The following ARFGEF1 variants were observed in gnomAD, a reference collection of about 807,000 sequenced individuals.
The protein encoded by ARFGEF1 is brefeldin A-inhibited guanine nucleotide-exchange protein 1.
A neutral mutation model predicts 231.0 loss-of-function variants in ARFGEF1; 42 were observed. That is an observed-to-expected ratio of 0.18 (90% CI 0.14 to 0.24). The LOEUF (loss-of-function observed/expected upper bound fraction) is 0.24. Ranked by LOEUF, ARFGEF1 falls within the 10% of genes least tolerant of loss-of-function variation. ARFGEF1 has a pLI of 1.00. For synonymous variants in ARFGEF1, 710 were observed against 732.3 expected (o/e 0.97, Z 0.49); for missense variants, 1,345 against 2,192.0 (o/e 0.61, Z 7.72).
rs758318967 is a variant in ARFGEF1 at position 67,271,858 on chromosome 8, C to T, written c.1416G>A (p.Arg472=). 2.5e-6 allele frequency: 4 copies of T among 1,613,676 alleles called. No individual in the cohort carries two copies. The South Asian group carries it at 4.4e-5, about 18-fold the overall frequency. Residue 472 remains arginine (R), a synonymous_variant, in exon 10 of 39, where the codon AGG becomes AGA. Coordinates refer to ENST00000262215, the MANE Select transcript of ARFGEF1 (RefSeq NM_006421.5). ...TAGCATTAATAAACATCTCATTTGT[C>T]CTGAAAATAGGTCCTGCATTCTGCA... The part of the protein sequence containing the change: ...SILQNAGPIF[R]TNEMFINAIK...
chr8:67,307,559 G>A (rs749408374), intron 1 of ARFGEF1, among the ~76,000 whole-genome samples: 1 of 152,210 alleles, frequency 6.6e-6, no homozygotes, highest in African/African-American at 2.4e-5. Flanking sequence ...GATAATAGAC[G>A]TACTTAGCCA....
intron 1 of ARFGEF1, among the ~76,000 whole-genome samples, chr8:67,323,112 C>T (rs1245853554): frequency 6.6e-6 from 1 of 152,038 alleles, no homozygotes. Context: ...ATTAGCCAGG[C>T]ATGGTGGCAG....
intron 17 of ARFGEF1, among the ~76,000 whole-genome samples, chr8:67,256,190 T>C (rs988032570): frequency 9.9e-5 from 15 of 152,204 alleles, no homozygotes; most frequent in Admixed American, 8.5e-4. Context: ...AGCCGTAGAA[T>C]AGAAGTCATC....
At chr8:67,209,438 G>A (rs746008376) in intron 34 of ARFGEF1, among the ~76,000 whole-genome samples, 3 of 152,186 alleles carry the variant, frequency 2.0e-5, no homozygotes, top group Non-Finnish European at 4.4e-5. Context: ...AGAAGAAGTG[G>A]CTGTATAACA....
chr8:67,195,681 A>T, downstream of ARFGEF1: 1 of 1,073,720 alleles, frequency 9.3e-7, no homozygotes, highest in Non-Finnish European at 1.4e-6. Context: ...TTTGGCCCCT[A>T]CCTGAAAGTT....
intron 5 of ARFGEF1, among the ~76,000 whole-genome samples, chr8:67,183,083 C>T (rs911161712): frequency 1.3e-5 from 2 of 152,204 alleles, no homozygotes; most frequent in Non-Finnish European, 2.9e-5. Flanking sequence ...CATATGCTTG[C>T]TTCTAAGAGT....
At chr8:67,299,099 T>G in intron 4 of ARFGEF1, 110 bp downstream of exon 4, 1 of 1,094,970 alleles carries the variant, frequency 9.1e-7, no homozygotes, top group Admixed American at 3.1e-5. Flanking sequence ...TAACCTGTAT[T>G]ATAGCTGGAA....
rs188298312 is a variant in ARFGEF1 at position 67,294,440 on chromosome 8, T to C, written c.639+1991A>G. Among the ~76,000 whole-genome samples the C allele has an allele frequency of 8.5e-5, 13 of 152,302 alleles. No homozygotes were observed. In the East Asian group the frequency reaches 2.5e-3, roughly 29 times the overall value. On this transcript the variant is annotated intron_variant, in intron 5 of 38. Coordinates refer to ENST00000262215, the MANE Select transcript of ARFGEF1 (RefSeq NM_006421.5). Reference sequence around the variant, plus strand: ...ACTAATCTAAGTAACTAGAAAATAATATTTTGAATGGATAAGGCTAAAGAC... The same window carrying C: ...ACTAATCTAAGTAACTAGAAAATAACATTTTGAATGGATAAGGCTAAAGAC...
chr8:67,339,749 G>C (rs1372075527), intron 1 of ARFGEF1, among the ~76,000 whole-genome samples: 1 of 121,352 alleles, frequency 8.2e-6, no homozygotes, highest in Non-Finnish European at 1.7e-5. Flanking sequence ...AGCTGTTCCT[G>C]GGCCTGTGGG....
intron 1 of ARFGEF1, among the ~76,000 whole-genome samples, chr8:67,307,305 CA>C (rs1806794216): frequency 1.3e-5 from 2 of 152,240 alleles, no homozygotes; most frequent in Non-Finnish European, 2.9e-5. Context: ...AACCAGCCAC[CA>C]ATTAATCACA....
intron 19 of ARFGEF1, among the ~76,000 whole-genome samples, chr8:67,250,334 G>C (rs1840240993): frequency 6.6e-6 from 1 of 152,196 alleles, no homozygotes; most frequent in Non-Finnish European, 1.5e-5. Flanking sequence ...GAGGGTGTCT[G>C]CAGTAGCTTA....
intron 17 of ARFGEF1, among the ~76,000 whole-genome samples, chr8:67,256,198 A>G (rs1425684817): frequency 1.3e-5 from 2 of 152,240 alleles, no homozygotes; most frequent in African/African-American, 4.8e-5. Flanking sequence ...AATAGAAGTC[A>G]TCATGCTCGA....
intron 4 of ARFGEF1, among the ~76,000 whole-genome samples, chr8:67,298,265 A>C (rs1009099466): frequency 4.6e-5 from 7 of 152,202 alleles, no homozygotes; most frequent in African/African-American, 1.7e-4. Flanking sequence ...AGCACATGAA[A>C]ATTTTACTGC....
intron 33 of ARFGEF1, among the ~76,000 whole-genome samples, chr8:67,213,896 T>G (rs1838835168): frequency 6.6e-6 from 1 of 152,208 alleles, no homozygotes; most frequent in Non-Finnish European, 1.5e-5. Flanking sequence ...CTTAAATCTA[T>G]CTATACAAAT....
chr8:67,228,347 G>C (rs1839447114), intron 23 of ARFGEF1, 83 bp from the exon 24 acceptor site: 1 of 1,327,200 alleles, frequency 7.5e-7, no homozygotes, highest in Non-Finnish European at 1.0e-6. Flanking sequence ...TGGGGTACTA[G>C]CTATTTTTAT....
rs1587363323 is a variant in ARFGEF1 at position 67,343,347 on chromosome 8, G to A, written c.-60C>T. 1 of 1,599,384 alleles carries A rather than the reference G, an allele frequency of 6.3e-7. No individual in the cohort carries two copies. The highest frequency in any genetic ancestry group is 8.5e-7 in the Non-Finnish European group (1 of 1,171,742). On this transcript the variant is annotated 5_prime_UTR_variant, in exon 1 of 39. Coordinates refer to ENST00000262215, the MANE Select transcript of ARFGEF1 (RefSeq NM_006421.5). ...CGCGGCTCCCAGCGGCTGGAGGGGA[G>A]GAGGAGGAGAGGAAGGAAGAGAAGA... is the stretch of plus-strand genomic sequence containing the variant.
In ARFGEF1 at chr8:67,272,413, A is replaced by C. The variant is rs533704215; in HGVS notation, c.1338-477T>G. 7.9e-5 allele frequency among the ~76,000 whole-genome samples: 12 copies of C among 151,778 alleles called. No individual in the cohort carries two copies. In the Middle Eastern group the frequency reaches 0.01, roughly 129 times the overall value. ...GATCTCCTGACCTCGTGATCCACCC[A>C]CCTCGGCCTCCCAAAGTGCTGGGAT... On this transcript the variant is annotated intron_variant, in intron 9 of 38. Coordinates refer to ENST00000262215, the MANE Select transcript of ARFGEF1 (RefSeq NM_006421.5).
intron 1 of ARFGEF1, among the ~76,000 whole-genome samples, chr8:67,338,107 T>C (rs375969305): frequency 4.6e-5 from 7 of 152,200 alleles, no homozygotes; most frequent in African/African-American, 1.2e-4. Context: ...GAGACACAAA[T>C]GAGTTACCTG....
At chr8:67,226,533 T>C (rs1160787879) in intron 27 of ARFGEF1, among the ~76,000 whole-genome samples, 1 of 152,098 alleles carries the variant, frequency 6.6e-6, no homozygotes, top group Non-Finnish European at 1.5e-5. Context: ...TATACACAGA[T>C]AGCTGTAAGC....
Sources: gnomAD v4.1 joint callset for allele counts (sites outside exome capture counted in the v4.1 genomes callset) on GRCh38, gnomAD v4.1.1 for gene constraint, MANE v1.5 for transcripts, NCBI Gene and HGNC (gene_info 2026-07-23, HGNC 2026-07-21) for gene names.